PBRM1: variants seen among roughly 807,000 people sequenced by gnomAD.
PBRM1 encodes polybromo 1, also known as protein polybromo-1.
In PBRM1, 27 loss-of-function variants were observed where a neutral mutation model predicts 194.5. That is an observed-to-expected ratio of 0.14 (90% CI 0.10 to 0.19). PBRM1 has a LOEUF of 0.19. Ranked by LOEUF, PBRM1 falls within the 10% of genes least tolerant of loss-of-function variation. PBRM1 has a pLI of 1.00. For synonymous variants in PBRM1, 655 were observed against 693.2 expected, an observed-to-expected ratio of 0.94 and a Z score of 0.87; for missense variants, 1,466 against 2,077.2, an observed-to-expected ratio of 0.71 and a Z score of 5.72.
intron 22 of PBRM1, among the ~76,000 whole-genome samples, chr3:52,572,670 C>G (rs953130736): frequency 6.6e-6 from 1 of 152,148 alleles, no homozygotes; most frequent in Non-Finnish European, 1.5e-5. Context: ...GCCATTGTGC[C>G]CAGCTTGATT....
At chr3:52,588,655 C>T (rs1244830630) in intron 18 of PBRM1, among the ~76,000 whole-genome samples, 1 of 150,546 alleles carries the variant, frequency 6.6e-6, no homozygotes, top group African/African-American at 2.5e-5. Context: ...CCTGGGTTCA[C>T]GCCATTCTCC....
At chr3:52,658,927 C>A (rs1294087571) in intron 4 of PBRM1, among the ~76,000 whole-genome samples, 1 of 152,166 alleles carries the variant, frequency 6.6e-6, no homozygotes, top group Non-Finnish European at 1.5e-5. Flanking sequence ...AAATGAGCAA[C>A]TGAGCAGGAG....
chr3:52,658,646 C>T (rs1433736678), intron 4 of PBRM1, among the ~76,000 whole-genome samples: 1 of 152,102 alleles, frequency 6.6e-6, no homozygotes, highest in Non-Finnish European at 1.5e-5. Context: ...CCCACTTCGG[C>T]CTCTCAAAGT....
chr3:52,553,093 C>T (rs1267416336), intron 27 of PBRM1, among the ~76,000 whole-genome samples: 2 of 152,166 alleles, frequency 1.3e-5, no homozygotes, highest in Non-Finnish European at 2.9e-5. Flanking sequence ...CCTGCAAAAC[C>T]CTATCACTGG....
At chr3:52,660,437 T>C (rs189995615) in intron 4 of PBRM1, among the ~76,000 whole-genome samples, 1 of 152,084 alleles carries the variant, frequency 6.6e-6, no homozygotes, top group African/African-American at 2.4e-5. Context: ...ATATAAAATA[T>C]AAAATTTTAT....
intron 12 of PBRM1, among the ~76,000 whole-genome samples, chr3:52,628,364 C>CAA (rs557100684): frequency 2.2e-4 from 25 of 111,354 alleles, no homozygotes; most frequent in African/African-American, 6.7e-4. Context: ...ATGACAACTC[C>CAA]AAAAAAAAAA....
intron 11 of PBRM1, among the ~76,000 whole-genome samples, chr3:52,630,226 T>C (rs1040255679): frequency 3.2e-4 from 48 of 150,846 alleles, no homozygotes; most frequent in African/African-American, 1.1e-3. Context: ...GAAAAAAAAA[T>C]AGGGGGGACA....
intron 3 of PBRM1, among the ~76,000 whole-genome samples, chr3:52,662,615 C>A (rs1426782756): frequency 6.6e-6 from 1 of 152,138 alleles, no homozygotes; most frequent in Non-Finnish European, 1.5e-5. Context: ...ATCATGAGGT[C>A]AAGAGATCGA....
chr3:52,681,767 A>T (rs553595329), upstream of PBRM1: 1 of 1,009,958 alleles, frequency 9.9e-7, no homozygotes, highest in Non-Finnish European at 1.2e-6. Context: ...AAGTGAAGCC[A>T]GTGGGAGAAG....
intron 6 of PBRM1, among the ~76,000 whole-genome samples, chr3:52,650,160 C>G (rs185104711): frequency 6.6e-6 from 1 of 151,804 alleles, no homozygotes; most frequent in South Asian, 2.1e-4. Flanking sequence ...GTCAGGAGTT[C>G]GAGATCAGCC....
At chr3:52,617,973 TAA>T (rs1299789430) in intron 13 of PBRM1, among the ~76,000 whole-genome samples, 1 of 152,128 alleles carries the variant, frequency 6.6e-6, no homozygotes, top group Non-Finnish European at 1.5e-5. Flanking sequence ...ATAAAAAACC[TAA>T]AAAGAGAAGT....
intron 7 of PBRM1, among the ~76,000 whole-genome samples, chr3:52,645,313 T>C (rs976594206): frequency 2.6e-5 from 4 of 151,596 alleles, no homozygotes; most frequent in African/African-American, 9.7e-5. Context: ...AGCAGATTCA[T>C]CTTTTTTTCT....
At chr3:52,673,422 ACT>A (rs1344928559) in intron 2 of PBRM1, among the ~76,000 whole-genome samples, 1 of 150,604 alleles carries the variant, frequency 6.6e-6, no homozygotes, top group Non-Finnish European at 1.5e-5. Flanking sequence ...TAATCCCAGC[ACT>A]TTGGGAGGCT....
chr3:52,559,123 T>C (rs1420879433), intron 25 of PBRM1, among the ~76,000 whole-genome samples: 1 of 152,334 alleles, frequency 6.6e-6, no homozygotes, highest in South Asian at 2.1e-4. Flanking sequence ...CAATGGACAA[T>C]GTACTGAAAG....
intron 27 of PBRM1, among the ~76,000 whole-genome samples, chr3:52,554,443 G>A (rs73837805): frequency 0.012 from 1,871 of 152,368 alleles, 49 homozygotes; most frequent in African/African-American, 0.043. Context: ...CAAATTAGTT[G>A]AGTGATTATC....
chr3:52,636,425 T>C (rs1431065875), intron 10 of PBRM1, among the ~76,000 whole-genome samples: 1 of 151,990 alleles, frequency 6.6e-6, no homozygotes, highest in Non-Finnish European at 1.5e-5. Flanking sequence ...AATAAACATA[T>C]AGTTGCTATG....
intron 11 of PBRM1, among the ~76,000 whole-genome samples, chr3:52,630,471 T>C (rs529780033): frequency 2.6e-5 from 4 of 152,358 alleles, no homozygotes; most frequent in Non-Finnish European, 5.9e-5. Context: ...AAGTGCTCAA[T>C]AGCCACATAT....
At chr3:52,558,745 C>T (rs1439175863) in intron 25 of PBRM1, among the ~76,000 whole-genome samples, 2 of 152,176 alleles carry the variant, frequency 1.3e-5, no homozygotes, top group African/African-American at 2.4e-5. Flanking sequence ...AGATGAGAAG[C>T]GCTACCATTA....
At chr3:52,610,694 T>C (rs1218559390) in intron 15 of PBRM1, among the ~76,000 whole-genome samples, 2 of 152,160 alleles carry the variant, frequency 1.3e-5, no homozygotes, top group Non-Finnish European at 1.5e-5. Context: ...ATCCCAACAC[T>C]TTGGGAGGCC....
Sources: gnomAD v4.1 joint callset for allele counts (sites outside exome capture counted in the v4.1 genomes callset) on GRCh38, gnomAD v4.1.1 for gene constraint, MANE v1.5 for transcripts, NCBI Gene and HGNC (gene_info 2026-07-23, HGNC 2026-07-21) for gene names.